AGAP1: variants seen among roughly 807,000 people sequenced by gnomAD.
AGAP1 encodes the protein ArfGAP with GTPase domain, ankyrin repeat and PH domain 1.
A neutral mutation model predicts 105.3 loss-of-function variants in AGAP1; 29 were observed. That is an observed-to-expected ratio of 0.28 (90% CI 0.21 to 0.38). AGAP1 has a LOEUF of 0.38. AGAP1 is among the 10% of genes least tolerant of loss of function. AGAP1 has a pLI of 1.00. For synonymous variants in AGAP1, 509 were observed against 485.9 expected (o/e 1.05, Z -0.63); for missense variants, 998 against 1,165.1 (o/e 0.86, Z 2.09).
chr2:235,799,495 G>A lies in AGAP1; in HGVS notation c.930G>A (p.Gln310=). Residue 310 remains glutamine (Q), a synonymous_variant, in exon 8 of 18, where the codon CAG becomes CAA. Transcript: ENST00000304032. The surrounding 1 kb of genome is among the most constrained non-coding windows in gnomAD (Gnocchi z 5.0). The part of the protein sequence containing the change: ...TANTPTPVRK[Q]SKRRSNLFTS... ...ACACGCCCACGCCCGTTCGCAAGCA[G>A]TCTAAGCGCCGGTCCAACCTGTTCA... The A allele has an allele frequency of 6.2e-7, 1 of 1,614,208 alleles. No homozygotes were observed. Among genetic ancestry groups the A allele is most frequent in the Non-Finnish European group, 8.5e-7 (1 of 1,180,038 alleles).
At chr2:235,940,654 AC>A (rs2053218367) in intron 12 of AGAP1, among the ~76,000 whole-genome samples, 1 of 152,078 alleles carries the variant, frequency 6.6e-6, no homozygotes, top group African/African-American at 2.4e-5. Context: ...GGCCTGACTT[AC>A]TCTGGACACA....
chr2:235,564,450 TTCCATGGAGCCA>T (rs1403183525), intron 1 of AGAP1, among the ~76,000 whole-genome samples: 1 of 152,166 alleles, frequency 6.6e-6, no homozygotes, highest in Non-Finnish European at 1.5e-5. Context: ...TCCCTGCAAA[TTCCATGGAGCCA>T]TCTATACTTC....
chr2:235,527,161 C>T (rs34889734), intron 1 of AGAP1, among the ~76,000 whole-genome samples: 104,132 of 152,060 alleles, frequency 0.68, 35,666 homozygotes, highest in Admixed American at 0.75. Flanking sequence ...AGATGAGAAA[C>T]GGTGGGTGAC....
Position 235,660,156 on chromosome 2 carries a change from G to C in AGAP1, c.164-49023G>C, listed in dbSNP as rs1334023910. On this transcript the variant is annotated intron_variant, in intron 1 of 17. Coordinates refer to ENST00000304032, the MANE Select transcript of AGAP1 (RefSeq NM_001037131.3). This position sits in a 1 kb window ranked among gnomAD's most constrained non-coding sequence, Gnocchi z 5.3. ...AGGGAGGGACAGGCTTTCTCAGGGG[G>C]GCGGCCACCCAAGATCAGCTGCGGC... 1.3e-5 allele frequency among the ~76,000 whole-genome samples: 2 copies of C among 152,162 alleles called. No homozygotes were observed. The highest frequency in any genetic ancestry group is 4.8e-5 in the African/African-American group (2 of 41,442).
At position 235,599,047 on chromosome 2, in the gene AGAP1, G is replaced by A. The variant is rs776760974; in HGVS notation, c.163+104198G>A. On this transcript the variant is annotated intron_variant, in intron 1 of 17. Coordinates refer to ENST00000304032, the MANE Select transcript of AGAP1 (RefSeq NM_001037131.3). The surrounding 1 kb of genome is among the most constrained non-coding windows in gnomAD (Gnocchi z 5.3). ...ACAGATGAGCTCACTGCTGTCCTCG[G>A]AGCAGGTAGGAATGTATTTATTTAC... 2.6e-5 allele frequency among the ~76,000 whole-genome samples: 4 copies of A among 152,288 alleles called. No homozygotes were observed. The highest frequency in any genetic ancestry group is 5.9e-5 in the Non-Finnish European group (4 of 68,032).
chr2:236,105,442 A>G lies in AGAP1; in HGVS notation c.2115-14750A>G, dbSNP rs1168902352. 2.6e-5 allele frequency among the ~76,000 whole-genome samples: 4 copies of G among 152,048 alleles called. No homozygotes were observed. The highest frequency in any genetic ancestry group is 6.5e-5 in the Admixed American group (1 of 15,268). On this transcript the variant is annotated intron_variant, in intron 16 of 17. Coordinates refer to ENST00000304032, the MANE Select transcript of AGAP1 (RefSeq NM_001037131.3). The surrounding 1 kb of genome is among the most constrained non-coding windows in gnomAD (Gnocchi z 4.2). ...CTGAGGAATGGGAAGTCCAAGGTCA[A>G]GGTGTTGGCTGATTCATTTCTGGTG...
intron 16 of AGAP1, among the ~76,000 whole-genome samples, chr2:236,079,495 C>G (rs1576252578): frequency 6.6e-6 from 1 of 151,112 alleles, no homozygotes; most frequent in East Asian, 1.9e-4. Flanking sequence ...GATCGTGCCA[C>G]TGCATTCCAG....
rs1324355913 is a variant in AGAP1 at position 236,096,316 on chromosome 2, A to G, written c.2115-23876A>G. 6.6e-6 allele frequency among the ~76,000 whole-genome samples: 1 copy of G among 152,112 alleles called. No homozygotes were observed. The highest frequency in any genetic ancestry group is 1.5e-5 in the Non-Finnish European group (1 of 68,034). On this transcript the variant is annotated intron_variant, in intron 16 of 17. Transcript: ENST00000304032. The surrounding 1 kb of genome is among the most constrained non-coding windows in gnomAD (Gnocchi z 4.4). ...GAAGTTCGAGACCAGCCTGGCCAAC[A>G]TAGTGAAACACCCATCTCTACTAAA...
At chr2:235,502,574 G>A (rs529333812) in intron 1 of AGAP1, among the ~76,000 whole-genome samples, 4 of 152,014 alleles carry the variant, frequency 2.6e-5, no homozygotes, top group Non-Finnish European at 5.9e-5. Context: ...GATGGGGATT[G>A]TCTTTTTTTG....
At chr2:235,670,252 A>G (rs1456525859) in intron 1 of AGAP1, 3 of 528,530 alleles carry the variant, frequency 5.7e-6, no homozygotes, top group African/African-American at 2.0e-5. Flanking sequence ...GCCCGGACCC[A>G]CGCCCGGTTC....
intron 16 of AGAP1, among the ~76,000 whole-genome samples, chr2:236,077,142 A>ATATAT (rs1340851323): frequency 2.7e-4 from 29 of 106,634 alleles, no homozygotes; most frequent in African/African-American, 9.6e-4. Flanking sequence ...AAAAAAAAAA[A>ATATAT]ATATATATAT....
chr2:235,923,569 G>A (rs1320488039), intron 11 of AGAP1, among the ~76,000 whole-genome samples: 1 of 127,268 alleles, frequency 7.9e-6, no homozygotes, highest in East Asian at 2.5e-4. Context: ...TCACTCCGTA[G>A]ATGGGTTTCG....
rs1042007869 is a variant in AGAP1, at chr2:235,906,282, G to A, written c.1156-2456G>A. The stretch of plus-strand genomic sequence containing the variant: ...GTCTGTCCTTTGCCGGGGAATGCCC[G>A]GCCTTGCCCCTGCCTCTGAATTTGC... On this transcript the variant is annotated intron_variant, in intron 10 of 17. Transcript: ENST00000304032. This position sits in a 1 kb window ranked among gnomAD's most constrained non-coding sequence, Gnocchi z 5.3. 6.6e-6 allele frequency among the ~76,000 whole-genome samples: 1 copy of A among 152,140 alleles called. No homozygotes were observed. The highest frequency in any genetic ancestry group is 1.5e-5 in the Non-Finnish European group (1 of 68,020).
At chr2:235,521,381 A>C (rs997248061) in intron 1 of AGAP1, among the ~76,000 whole-genome samples, 1 of 152,164 alleles carries the variant, frequency 6.6e-6, no homozygotes, top group South Asian at 2.1e-4. Context: ...AATAAATTCT[A>C]AGAGTCCTGG....
chr2:235,850,720 G>A (rs1027895847), intron 9 of AGAP1, among the ~76,000 whole-genome samples: 2 of 152,204 alleles, frequency 1.3e-5, no homozygotes, highest in Non-Finnish European at 2.9e-5. Flanking sequence ...GTCACCCTTC[G>A]TCTTTATGCC....
chr2:235,963,888 C>T lies in AGAP1; in HGVS notation c.1484-4574C>T, dbSNP rs2054285019. Reference sequence around the variant, plus strand: ...CTACCACGCCCCTGTGGAAGCCTGTCGTGTGGACGGCATAGCTAATGTGTG... The same window carrying T: ...CTACCACGCCCCTGTGGAAGCCTGTTGTGTGGACGGCATAGCTAATGTGTG... On this transcript the variant is annotated intron_variant, in intron 12 of 17. Transcript: ENST00000304032. The surrounding 1 kb of genome is among the most constrained non-coding windows in gnomAD (Gnocchi z 5.1). Among the ~76,000 whole-genome samples the T allele has an allele frequency of 1.3e-5, 2 of 152,168 alleles. No homozygotes were observed. Among genetic ancestry groups the T allele is most frequent in the African/African-American group, 4.8e-5 (2 of 41,432 alleles).
rs1313890918 is a variant in AGAP1, at chr2:235,577,888, C to A, written c.163+83039C>A. On this transcript the variant is annotated intron_variant, in intron 1 of 17. Coordinates refer to ENST00000304032, the MANE Select transcript of AGAP1 (RefSeq NM_001037131.3). This position sits in a 1 kb window ranked among gnomAD's most constrained non-coding sequence, Gnocchi z 4.5. The stretch of plus-strand genomic sequence containing the variant: ...TTCGCCTTTGTACGGATGAAAAAAA[C>A]CAAACACTGAGCCTGGTCTGAGCGG... Among the ~76,000 whole-genome samples, 2 of 152,068 alleles carry A rather than the reference C, an allele frequency of 1.3e-5. No homozygotes were observed. Among genetic ancestry groups the A allele is most frequent in the Non-Finnish European group, 1.5e-5 (1 of 68,026 alleles).
At chr2:236,116,784 G>T in intron 16 of AGAP1, among the ~76,000 whole-genome samples, 1 of 149,636 alleles carries the variant, frequency 6.7e-6, no homozygotes, top group Non-Finnish European at 1.5e-5. Flanking sequence ...AAAGTCCGTT[G>T]TATCATTCTT....
chr2:236,112,714 A>G (rs1333865035), intron 16 of AGAP1, among the ~76,000 whole-genome samples: 8 of 152,174 alleles, frequency 5.3e-5, no homozygotes, highest in Non-Finnish European at 1.2e-4. Flanking sequence ...ATTCACACGC[A>G]CACGCACAGA....
Sources: gnomAD v4.1 joint callset for allele counts (sites outside exome capture counted in the v4.1 genomes callset) on GRCh38, gnomAD v4.1.1 for gene constraint, Gnocchi (gnomAD v3.1) non-coding constraint, MANE v1.5 for transcripts, NCBI Gene and HGNC (gene_info 2026-07-23, HGNC 2026-07-21) for gene names.